Variants in TGFBR3 observed in about 807,000 individuals in gnomAD.
The protein encoded by TGFBR3 is transforming growth factor beta receptor 3.
A neutral mutation model predicts 87.9 loss-of-function variants in TGFBR3; 46 were observed. That is an observed-to-expected ratio of 0.52 (90% CI 0.41 to 0.67). TGFBR3 has a LOEUF of 0.67. Among genes scored for constraint, TGFBR3 ranks in the 30% least tolerant of loss-of-function variants. TGFBR3 has a pLI of 0.00. For missense variants in TGFBR3, 866 were observed against 1,041.9 expected (o/e 0.83, Z 2.32); for synonymous variants, 381 against 391.6 (o/e 0.97, Z 0.32).
chr1:91,725,498 T>A (rs2100797590), intron 7 of TGFBR3, among the ~76,000 whole-genome samples: 1 of 152,304 alleles, frequency 6.6e-6, no homozygotes, highest in East Asian at 1.9e-4. Flanking sequence ...CCATTCCTGT[T>A]AGAGAAGGAG....
intron 2 of TGFBR3, among the ~76,000 whole-genome samples, chr1:91,801,638 A>G (rs1035073472): frequency 6.6e-6 from 1 of 152,210 alleles, no homozygotes; most frequent in African/African-American, 2.4e-5. Context: ...GCAAAATGCT[A>G]ATTGTGGAAT....
At chr1:91,802,427 C>G (rs1392766990) in intron 2 of TGFBR3, among the ~76,000 whole-genome samples, 1 of 151,720 alleles carries the variant, frequency 6.6e-6, no homozygotes, top group Non-Finnish European at 1.5e-5. Context: ...GTGACGCGCT[C>G]TCAGCTCACT....
chr1:91,684,065 T>G (rs1671008381), intron 16 of TGFBR3, among the ~76,000 whole-genome samples: 1 of 152,128 alleles, frequency 6.6e-6, no homozygotes, highest in Non-Finnish European at 1.5e-5. Flanking sequence ...GCATCATGAA[T>G]GGGAAAAAGA....
At chr1:91,750,149 C>T (rs868355001) in intron 4 of TGFBR3, among the ~76,000 whole-genome samples, 1 of 152,324 alleles carries the variant, frequency 6.6e-6, no homozygotes, top group Middle Eastern at 3.4e-3. Context: ...CAGCCAGAGC[C>T]AGGAAAAGTC....
chr1:91,727,807 C>T lies in TGFBR3; in HGVS notation c.738-1G>A. 1 of 1,613,764 alleles carries T rather than the reference C, an allele frequency of 6.2e-7. No homozygotes were observed. The highest frequency in any genetic ancestry group is 1.1e-5 in the South Asian group (1 of 91,080). On this transcript the variant is annotated splice_acceptor_variant, in intron 6 of 16. Transcript: ENST00000212355. LOFTEE classifies it high-confidence loss of function. Reference sequence around the variant, plus strand: ...AATTGTTATATCCACCTGGAAAGCACTGTGAATGGAAGACAAAGGCAAAGT... The same window carrying T: ...AATTGTTATATCCACCTGGAAAGCATTGTGAATGGAAGACAAAGGCAAAGT...
chr1:91,703,734 C>T (rs1331248661), intron 14 of TGFBR3, among the ~76,000 whole-genome samples: 2 of 152,184 alleles, frequency 1.3e-5, no homozygotes, highest in Non-Finnish European at 2.9e-5. Flanking sequence ...ACTAATATGC[C>T]TATACTTCAA....
At chr1:91,778,327 A>C (rs1674643867) in intron 3 of TGFBR3, among the ~76,000 whole-genome samples, 1 of 152,202 alleles carries the variant, frequency 6.6e-6, no homozygotes, top group South Asian at 2.1e-4. Context: ...GGTATTTTGA[A>C]ATATTAATTT....
intron 3 of TGFBR3, among the ~76,000 whole-genome samples, chr1:91,765,668 C>T (rs1453467823): frequency 2.6e-5 from 4 of 152,110 alleles, no homozygotes; most frequent in Non-Finnish European, 5.9e-5. Context: ...TAAACAGTTA[C>T]GCAAATAAAA....
chr1:91,697,341 G>A (rs929707980), intron 15 of TGFBR3, among the ~76,000 whole-genome samples: 6 of 152,172 alleles, frequency 3.9e-5, no homozygotes, highest in African/African-American at 1.4e-4. Flanking sequence ...CAGACTGATT[G>A]TTAAATGTAG....
chr1:91,712,456 AGAC>A lies in TGFBR3; in HGVS notation c.1950_1952del (p.Met650_Ser651delinsIle). The A allele has an allele frequency of 1.2e-6, 2 of 1,614,204 alleles. No individual in the cohort carries two copies. The highest frequency in any genetic ancestry group is 1.7e-6 in the Non-Finnish European group (2 of 1,180,010). On this transcript the variant is annotated inframe_deletion, in exon 13 of 17. Transcript: ENST00000212355. ...AAATATTCTCAATAATGGTGTAATG[AGAC>A]ATCCTATCAGGGTTCGAATATGGAG...
At chr1:91,750,881 A>T (rs958432392) in intron 4 of TGFBR3, among the ~76,000 whole-genome samples, 2 of 152,180 alleles carry the variant, frequency 1.3e-5, no homozygotes, top group African/African-American at 4.8e-5. Flanking sequence ...GAAGAAGAGA[A>T]TTCTCATTTT....
At chr1:91,857,048 T>C (rs1160717828) in intron 2 of TGFBR3, among the ~76,000 whole-genome samples, 1 of 152,184 alleles carries the variant, frequency 6.6e-6, no homozygotes, top group Non-Finnish European at 1.5e-5. Context: ...CATAGAGTTG[T>C]CTTAAATAAA....
intron 4 of TGFBR3, among the ~76,000 whole-genome samples, chr1:91,757,430 GTAAT>G (rs1412645014): frequency 6.6e-6 from 1 of 152,246 alleles, no homozygotes. Context: ...TTTTTTATGT[GTAAT>G]TAATAAGTAA....
chr1:91,831,498 C>T (rs2489186), intron 2 of TGFBR3, among the ~76,000 whole-genome samples: 18,226 of 152,136 alleles, frequency 0.12, 1,378 homozygotes, highest in East Asian at 0.38. Flanking sequence ...CCAACTAAAC[C>T]ACTACAAGGA....
At chr1:91,864,719 C>T (rs1222786711) in intron 1 of TGFBR3, among the ~76,000 whole-genome samples, 4 of 152,214 alleles carry the variant, frequency 2.6e-5, no homozygotes, top group African/African-American at 9.6e-5. Context: ...ACTTAGGAAT[C>T]AGTTCCCTGG....
At position 91,800,330 on chromosome 1, in the gene TGFBR3, A is replaced by ATGTGTGTGTG. The variant is rs371979320; in HGVS notation, c.62-2869_62-2860dup. ...TGCATATATGTATATATATGTGTAT[A>ATGTGTGTGTG]TGTGTGTGTGTGTGTGTGTGTGTGT... On this transcript the variant is annotated intron_variant, in intron 2 of 16. Transcript: ENST00000212355. Among the ~76,000 whole-genome samples the ATGTGTGTGTG allele has an allele frequency of 4.4e-3, 604 of 136,232 alleles. 6 individuals are homozygous for ATGTGTGTGTG. The highest frequency in any genetic ancestry group is 0.02 in the East Asian group (85 of 4,246). The allele number at this position is 136,232 out of a possible 152,430, so 89.4% of individuals were successfully genotyped here. A position where few individuals can be genotyped will look rare whatever the true frequency, so the allele number is the denominator to read the frequency against.
intron 9 of TGFBR3, 55 bp from the exon 10 acceptor site, chr1:91,719,519 A>G (rs1672287427): frequency 6.2e-7 from 1 of 1,607,562 alleles, no homozygotes. Context: ...GTTCTGTTGT[A>G]TAATTGACAC....
intron 2 of TGFBR3, among the ~76,000 whole-genome samples, chr1:91,807,161 G>A (rs1014242675): frequency 6.6e-6 from 1 of 152,206 alleles, no homozygotes; most frequent in Non-Finnish European, 1.5e-5. Context: ...GCGGTGGAAT[G>A]TACCACCATT....
chr1:91,698,299 A>G (rs1671500382), intron 14 of TGFBR3, among the ~76,000 whole-genome samples, 169 bp from the exon 15 acceptor site: 1 of 152,182 alleles, frequency 6.6e-6, no homozygotes. Context: ...AGTTACCCAG[A>G]AATTTTAAGC....
Sources: allele counts gnomAD v4.1 joint callset (sites outside exome capture counted in the v4.1 genomes callset), GRCh38; gene constraint gnomAD v4.1.1; transcripts MANE v1.5; gene names NCBI Gene and HGNC (gene_info 2026-07-23, HGNC 2026-07-21).